Variants in SUMF1 observed in about 807,000 individuals in gnomAD.
SUMF1 encodes the protein formylglycine-generating enzyme.
In SUMF1, 48 loss-of-function variants were observed where a neutral mutation model predicts 47.6. The ratio of observed to expected loss-of-function variants is 1.01; its 90% confidence interval spans 0.80 to 1.28. The LOEUF (loss-of-function observed/expected upper bound fraction) is 1.28, where lower values mean the gene tolerates loss of function less well. Ranked by LOEUF, SUMF1 falls within the 50% of genes most tolerant of loss-of-function variation. SUMF1 has a pLI of 0.00. For synonymous variants in SUMF1, 230 were observed against 192.1 expected (o/e 1.20, Z -1.63); for missense variants, 571 against 485.4 (o/e 1.18, Z -1.66).
intron 9 of SUMF1, among the ~76,000 whole-genome samples, chr3:4,065,061 ACT>A (rs1431334295): frequency 6.6e-6 from 1 of 152,014 alleles, no homozygotes; most frequent in East Asian, 1.9e-4. Flanking sequence ...CCTCCTAGTA[ACT>A]CTGATTTATG....
chr3:4,164,326 C>T (rs1031113588), intron 8 of SUMF1, among the ~76,000 whole-genome samples: 1 of 152,128 alleles, frequency 6.6e-6, no homozygotes, highest in African/African-American at 2.4e-5. Flanking sequence ...TTTCCTGGCC[C>T]TCAATGGTTA....
At chr3:4,406,117 T>C (rs1701368133) in intron 7 of SUMF1, among the ~76,000 whole-genome samples, 1 of 151,582 alleles carries the variant, frequency 6.6e-6, no homozygotes, top group African/African-American at 2.4e-5. Flanking sequence ...AAGTAAGCAA[T>C]ATTATAATTA....
chr3:4,111,615 G>A (rs1355510075), intron 8 of SUMF1, among the ~76,000 whole-genome samples: 1 of 151,878 alleles, frequency 6.6e-6, no homozygotes, highest in African/African-American at 2.4e-5. Flanking sequence ...GCCTCTAGTA[G>A]TTAGTCCCAG....
intron 9 of SUMF1, among the ~76,000 whole-genome samples, chr3:4,054,045 G>A (rs1255092916): frequency 1.3e-5 from 2 of 151,996 alleles, no homozygotes; most frequent in East Asian, 3.8e-4. Flanking sequence ...ACAATCAATA[G>A]TAACATACTC....
intron 8 of SUMF1, among the ~76,000 whole-genome samples, chr3:4,211,125 C>T (rs897186039): frequency 1.2e-3 from 82 of 67,162 alleles, no homozygotes; most frequent in Middle Eastern, 7.9e-3. Flanking sequence ...TATATATACA[C>T]ACACACACAC....
intron 3 of SUMF1, among the ~76,000 whole-genome samples, chr3:4,441,414 A>G (rs1702583252): frequency 6.6e-6 from 1 of 152,222 alleles, no homozygotes; most frequent in Admixed American, 6.5e-5. Context: ...ATGTAATAAT[A>G]ATATAAATAA....
intron 7 of SUMF1, among the ~76,000 whole-genome samples, chr3:4,408,418 A>C (rs1005034786): frequency 2.0e-5 from 3 of 152,244 alleles, no homozygotes; most frequent in Admixed American, 6.5e-5. Flanking sequence ...TTTCTGTACT[A>C]TTCTGAATTT....
intron 8 of SUMF1, among the ~76,000 whole-genome samples, chr3:4,226,390 C>T (rs966112636): frequency 2.0e-5 from 3 of 150,784 alleles, no homozygotes; most frequent in Non-Finnish European, 4.4e-5. Context: ...CTGCCTCAGC[C>T]TCCTGAGTAG....
intron 8 of SUMF1, among the ~76,000 whole-genome samples, chr3:4,102,889 C>CAGA (rs1415697460): frequency 6.8e-6 from 1 of 146,994 alleles, no homozygotes; most frequent in African/African-American, 2.5e-5. Flanking sequence ...GAGAAAGAGG[C>CAGA]AGAAGAAAAA....
At chr3:4,450,123 T>C (rs1253276748) in intron 2 of SUMF1, among the ~76,000 whole-genome samples, 1 of 152,184 alleles carries the variant, frequency 6.6e-6, no homozygotes, top group East Asian at 1.9e-4. Context: ...TAAAACTACA[T>C]ATTGCTGCTC....
chr3:4,145,133 C>A (rs961391891), intron 8 of SUMF1, among the ~76,000 whole-genome samples: 1 of 143,956 alleles, frequency 6.9e-6, no homozygotes, highest in Non-Finnish European at 1.5e-5. Context: ...GCGGAGCTTG[C>A]AGTGAGCGGC....
Position 4,110,029 on chromosome 3 carries a change from C to T in SUMF1, c.1015-41284G>A, listed in dbSNP as rs529704851. The stretch of plus-strand genomic sequence containing the variant: ...ATTTTTAGAGTTTCCAGTTTTTCTG[C>T]TCTGTTTTTTCCCCATCTTTGTGGT... On this transcript the variant is annotated intron_variant and NMD_transcript_variant, in intron 8 of 12. Transcript: ENST00000448413. Among the ~76,000 whole-genome samples the T allele has an allele frequency of 3.4e-3, 519 of 152,202 alleles. 4 individuals are homozygous for T. Among genetic ancestry groups the T allele is most frequent in the African/African-American group, 0.012 (489 of 41,480 alleles).
At chr3:4,205,393 G>A (rs1695628991) in intron 8 of SUMF1, among the ~76,000 whole-genome samples, 1 of 152,144 alleles carries the variant, frequency 6.6e-6, no homozygotes, top group African/African-American at 2.4e-5. Flanking sequence ...AAACAGCCAT[G>A]TTGCTCACAC....
rs796165701 is a variant in SUMF1, at chr3:4,452,081, C to T, written c.444+795G>A. 2.7e-4 allele frequency among the ~76,000 whole-genome samples: 41 copies of T among 151,858 alleles called. 1 individual carries two copies. The highest frequency in any genetic ancestry group is 8.5e-4 in the African/African-American group (35 of 41,406). The stretch of plus-strand genomic sequence containing the variant: ...AAAGTTGTTTTACTTTAAACATTCA[C>T]TCTCAAATTATTCATTTAATAATAA... On this transcript the variant is annotated intron_variant, in intron 2 of 8. Transcript: ENST00000272902.
intron 8 of SUMF1, among the ~76,000 whole-genome samples, chr3:4,371,226 G>T (rs1436361962): frequency 6.6e-6 from 1 of 152,060 alleles, no homozygotes; most frequent in African/African-American, 2.4e-5. Context: ...AGGTCTTTAG[G>T]TGGCTGAAAA....
At chr3:4,268,298 G>A (rs987637526) in intron 8 of SUMF1, among the ~76,000 whole-genome samples, 17 of 152,024 alleles carry the variant, frequency 1.1e-4, no homozygotes, top group Admixed American at 5.2e-4. Flanking sequence ...ATGACGAGGC[G>A]GGGAGGGATA....
At chr3:4,398,869 G>C (rs1701120179) in intron 7 of SUMF1, among the ~76,000 whole-genome samples, 1 of 152,092 alleles carries the variant, frequency 6.6e-6, no homozygotes, top group African/African-American at 2.4e-5. Context: ...ACTACTACAA[G>C]GAAATAAGTA....
At chr3:4,226,965 C>G (rs1696188395) in intron 8 of SUMF1, among the ~76,000 whole-genome samples, 1 of 152,090 alleles carries the variant, frequency 6.6e-6, no homozygotes, top group Non-Finnish European at 1.5e-5. Context: ...GGGTCCCATC[C>G]TCAGAGTTTC....
chr3:4,270,431 C>T (rs1288818137), intron 8 of SUMF1, among the ~76,000 whole-genome samples: 1 of 152,070 alleles, frequency 6.6e-6, no homozygotes, highest in Non-Finnish European at 1.5e-5. Flanking sequence ...CTCTCTCACA[C>T]ACATACACGC....
Sources: gnomAD v4.1 joint callset for allele counts (sites outside exome capture counted in the v4.1 genomes callset) on GRCh38, gnomAD v4.1.1 for gene constraint, MANE v1.5 for transcripts, NCBI Gene and HGNC (gene_info 2026-07-23, HGNC 2026-07-21) for gene names.